Variants in RGS20 observed in about 807,000 individuals in gnomAD.
The protein encoded by RGS20 is gz-selective GTPase-activating protein.
In RGS20, 30 loss-of-function variants were observed where a neutral mutation model predicts 33.6. The observed-to-expected ratio is 0.89, with a 90% CI of 0.67 to 1.21. The LOEUF (loss-of-function observed/expected upper bound fraction) is 1.21. Among genes scored for constraint, RGS20 ranks in the 50% most tolerant of loss-of-function variants. RGS20 has a pLI of 0.00. For missense variants in RGS20, 472 were observed against 502.4 expected, an observed-to-expected ratio of 0.94 and a Z score of 0.58; for synonymous variants, 208 against 197.9, an observed-to-expected ratio of 1.05 and a Z score of -0.43.
intron 1 of RGS20, among the ~76,000 whole-genome samples, chr8:53,852,452 C>CA (rs1219632947): frequency 1.3e-5 from 2 of 151,994 alleles, no homozygotes; most frequent in Non-Finnish European, 2.9e-5. Flanking sequence ...CCGCTTTCTA[C>CA]AAAAAATTCC....
At chr8:53,889,450 T>G (rs953368370) in intron 2 of RGS20, among the ~76,000 whole-genome samples, 1 of 122,444 alleles carries the variant, frequency 8.2e-6, no homozygotes, top group African/African-American at 3.9e-5. Context: ...TTTTTTTTTT[T>G]TGAGACAGGG....
At chr8:53,953,276 T>A (rs1814762502) in intron 4 of RGS20, among the ~76,000 whole-genome samples, 1 of 152,182 alleles carries the variant, frequency 6.6e-6, no homozygotes. Context: ...ATCCCAGCAC[T>A]CTGGGAGGCC....
At chr8:53,953,072 G>C (rs1814755913) in intron 4 of RGS20, among the ~76,000 whole-genome samples, 1 of 152,166 alleles carries the variant, frequency 6.6e-6, no homozygotes, top group Non-Finnish European at 1.5e-5. Context: ...GAGGGTGGGA[G>C]ATAGGTAAGG....
chr8:53,905,080 T>C (rs977940254), intron 2 of RGS20, among the ~76,000 whole-genome samples: 1 of 152,202 alleles, frequency 6.6e-6, no homozygotes, highest in Admixed American at 6.5e-5. Context: ...GAAAAACAGA[T>C]GGTAAGATGC....
At chr8:53,878,493 G>T (rs771215965) in intron 1 of RGS20, among the ~76,000 whole-genome samples, 1 of 152,058 alleles carries the variant, frequency 6.6e-6, no homozygotes, top group African/African-American at 2.4e-5. Context: ...AGTGGAAGGT[G>T]GAAAGGCCGG....
chr8:53,901,957 G>T (rs935376908), intron 2 of RGS20, among the ~76,000 whole-genome samples: 2 of 152,324 alleles, frequency 1.3e-5, no homozygotes. Context: ...GTTGGAGATT[G>T]TTCATTCTCA....
chr8:53,853,722 C>G (rs1333795429), intron 1 of RGS20, among the ~76,000 whole-genome samples: 1 of 152,182 alleles, frequency 6.6e-6, no homozygotes, highest in Non-Finnish European at 1.5e-5. Flanking sequence ...AGAGAAAGAG[C>G]AAGATATGCT....
chr8:53,929,597 G>A (rs536645639), intron 2 of RGS20, among the ~76,000 whole-genome samples: 2 of 152,308 alleles, frequency 1.3e-5, no homozygotes, highest in South Asian at 4.1e-4. Context: ...GAACCCAAAA[G>A]GTGGAGGTTG....
intron 2 of RGS20, among the ~76,000 whole-genome samples, chr8:53,910,507 G>T (rs140170251): frequency 1.3e-5 from 2 of 152,260 alleles, no homozygotes; most frequent in East Asian, 1.9e-4. Context: ...ACAGAAAAAA[G>T]ATACAGCTCC....
chr8:53,878,856 G>A (rs1050344611), intron 1 of RGS20, among the ~76,000 whole-genome samples: 1 of 152,174 alleles, frequency 6.6e-6, no homozygotes, highest in African/African-American at 2.4e-5. Flanking sequence ...TTACAAAAGT[G>A]AACTAAGATT....
At chr8:53,904,182 G>C (rs934097482) in intron 2 of RGS20, among the ~76,000 whole-genome samples, 5 of 151,126 alleles carry the variant, frequency 3.3e-5, no homozygotes, top group Non-Finnish European at 5.9e-5. Context: ...GAGTGTAGTG[G>C]TGTGATCTCT....
intron 5 of RGS20, among the ~76,000 whole-genome samples, chr8:53,956,332 T>C (rs1814863087): frequency 6.6e-6 from 1 of 151,944 alleles, no homozygotes; most frequent in African/African-American, 2.4e-5. Context: ...CATGGAGAGG[T>C]TTGGGCATCA....
At chr8:53,913,773 C>A (rs73589222) in intron 2 of RGS20, 8,277 of 152,366 alleles carry the variant, frequency 0.054, 680 homozygotes, top group African/African-American at 0.18. Flanking sequence ...GAACTTTTAG[C>A]CTCCAGAACT....
rs1335972971 is a variant in RGS20, at chr8:53,959,113, G to A, written c.*655G>A. The A allele has an allele frequency of 6.6e-6, 1 of 152,214 alleles. No homozygotes were observed. The highest frequency in any genetic ancestry group is 1.5e-5 in the Non-Finnish European group (1 of 68,034). 9.4% of individuals were successfully genotyped at this position (152,214 alleles called of 1,614,324 possible). A position where few individuals can be genotyped will look rare whatever the true frequency, so the allele number is the denominator to read the frequency against. On this transcript the variant is annotated 3_prime_UTR_variant, in exon 6 of 6. Transcript: ENST00000297313. ...TGTCTGGTAACAGCAGCAGTGCTTA[G>A]AAAATTCTTTTGTTGAAAAGAGTTA... is the stretch of plus-strand genomic sequence containing the variant.
chr8:53,956,641 T>C (rs1223633437), intron 5 of RGS20, among the ~76,000 whole-genome samples: 2 of 152,210 alleles, frequency 1.3e-5, no homozygotes, highest in Non-Finnish European at 2.9e-5. Flanking sequence ...TACTTAATTT[T>C]GCGTCGTTAC....
Position 53,958,419 on chromosome 8 carries a change from C to G in RGS20, c.1128C>G (p.Asp376Glu). Reference sequence around the variant, plus strand: ...TCATGAACTCTGCTGTCTATAAGGACTTGCTTCAGTCCTTATCGGAGAAAT... The same window carrying G: ...TCATGAACTCTGCTGTCTATAAGGAGTTGCTTCAGTCCTTATCGGAGAAAT... Residue 376 changes from aspartate to glutamate, a missense_variant, in exon 6 of 6, where the codon GAC (aspartate) becomes GAG (glutamate). Coordinates refer to ENST00000297313, the MANE Select transcript of RGS20 (RefSeq NM_170587.4). 4 of 1,606,952 alleles carry G rather than the reference C, an allele frequency of 2.5e-6. No homozygotes were observed. The highest frequency in any genetic ancestry group is 3.4e-6 in the Non-Finnish European group (4 of 1,176,162).
At chr8:53,859,454 A>G (rs1811759322) in intron 1 of RGS20, among the ~76,000 whole-genome samples, 1 of 152,232 alleles carries the variant, frequency 6.6e-6, no homozygotes, top group Non-Finnish European at 1.5e-5. Flanking sequence ...ACAGAAAAAT[A>G]TATCTAGTAT....
chr8:53,867,905 T>C (rs1252253622), intron 1 of RGS20, among the ~76,000 whole-genome samples: 30 of 152,100 alleles, frequency 2.0e-4, no homozygotes. Flanking sequence ...TTGTATTTTT[T>C]GTAGAGCCGG....
intron 1 of RGS20, among the ~76,000 whole-genome samples, chr8:53,852,619 G>A (rs1221737611): frequency 6.6e-6 from 1 of 152,054 alleles, no homozygotes; most frequent in Non-Finnish European, 1.5e-5. Flanking sequence ...TTTCCTGCTG[G>A]ATGTTGTGTG....
Sources: gnomAD v4.1 joint callset for allele counts (sites outside exome capture counted in the v4.1 genomes callset) on GRCh38, gnomAD v4.1.1 for gene constraint, MANE v1.5 for transcripts, NCBI Gene and HGNC (gene_info 2026-07-23, HGNC 2026-07-21) for gene names.